The following MAD1L1 variants were observed in gnomAD, a reference collection of about 807,000 sequenced individuals.
MAD1L1 encodes the protein mitotic arrest deficient 1 like 1.
A neutral mutation model predicts 96.9 loss-of-function variants in MAD1L1; 95 were observed. The observed-to-expected ratio is 0.98, with a 90% CI of 0.83 to 1.16. The LOEUF (loss-of-function observed/expected upper bound fraction) is 1.16, where lower values mean the gene tolerates loss of function less well. MAD1L1 is among the 50% of genes most tolerant of loss of function. MAD1L1 has a pLI of 0.00. For synonymous variants in MAD1L1, 473 were observed against 396.6 expected (o/e 1.19, Z -2.29); for missense variants, 1,007 against 954.4 (o/e 1.06, Z -0.73).
chr7:2,188,839 T>G (rs1584508370), intron 10 of MAD1L1, among the ~76,000 whole-genome samples: 1 of 152,150 alleles, frequency 6.6e-6, no homozygotes, highest in East Asian at 1.9e-4. Context: ...AAATGAAATC[T>G]TGGTAAATTT....
chr7:1,912,151 T>C (rs1028128676), intron 17 of MAD1L1, among the ~76,000 whole-genome samples: 4 of 152,144 alleles, frequency 2.6e-5, no homozygotes, highest in Admixed American at 2.6e-4. Context: ...GGGGTCCAGA[T>C]GGCGGCAGGG....
Position 2,114,310 on chromosome 7 carries a change from G to A in MAD1L1, c.1073+34842C>T, listed in dbSNP as rs781434708. On this transcript the variant is annotated intron_variant, in intron 11 of 18. Transcript: ENST00000265854. This position sits in a 1 kb window ranked among gnomAD's most constrained non-coding sequence, Gnocchi z 4.2. ...AACACACCTCGGGCGGGAGAGCCCT[G>A]AGCCAGCCCACGGTCTGAGCAGGGA... 6.6e-6 allele frequency among the ~76,000 whole-genome samples: 1 copy of A among 152,170 alleles called. No individual in the cohort carries two copies. Among genetic ancestry groups the A allele is most frequent in the Non-Finnish European group, 1.5e-5 (1 of 68,036 alleles).
intron 15 of MAD1L1, among the ~76,000 whole-genome samples, chr7:1,960,745 G>A (rs757192719): frequency 3.0e-4 from 46 of 152,012 alleles, no homozygotes; most frequent in Non-Finnish European, 5.9e-4. Flanking sequence ...ATAGAACAAC[G>A]GGCAAAAAAT....
intron 10 of MAD1L1, among the ~76,000 whole-genome samples, chr7:2,153,213 G>T (rs1789666638): frequency 6.6e-6 from 1 of 152,152 alleles, no homozygotes; most frequent in Non-Finnish European, 1.5e-5. Flanking sequence ...AAAAGCTTCT[G>T]CCCATCCAAG....
intron 5 of MAD1L1, among the ~76,000 whole-genome samples, chr7:2,219,852 G>A (rs1024951323): frequency 5.8e-4 from 88 of 152,242 alleles, no homozygotes; most frequent in African/African-American, 2.0e-3. Flanking sequence ...AGAGGAGACC[G>A]GGCCCCAGCC....
intron 17 of MAD1L1, among the ~76,000 whole-genome samples, chr7:1,920,066 G>A (rs568637608): frequency 4.6e-5 from 7 of 152,178 alleles, no homozygotes; most frequent in South Asian, 2.1e-4. Context: ...CTGCAGCAGC[G>A]TTAGGAGACA....
At chr7:1,844,464 G>A (rs887920122) in intron 18 of MAD1L1, among the ~76,000 whole-genome samples, 3 of 152,154 alleles carry the variant, frequency 2.0e-5, no homozygotes, top group Non-Finnish European at 2.9e-5. Flanking sequence ...GGACATGGAC[G>A]GCATTCGAGG....
At chr7:2,009,335 G>A (rs1782185093) in intron 13 of MAD1L1, among the ~76,000 whole-genome samples, 1 of 152,216 alleles carries the variant, frequency 6.6e-6, no homozygotes, top group African/African-American at 2.4e-5. Context: ...CCGGACTGAG[G>A]AGGACCAGAG....
chr7:2,042,437 G>C (rs1485893187), intron 12 of MAD1L1, among the ~76,000 whole-genome samples: 2 of 152,192 alleles, frequency 1.3e-5, no homozygotes, highest in Non-Finnish European at 2.9e-5. Flanking sequence ...CAGAACCCTG[G>C]CGTTTAGAAT....
chr7:2,133,743 T>C (rs1000353836), intron 11 of MAD1L1, among the ~76,000 whole-genome samples: 7 of 152,246 alleles, frequency 4.6e-5, no homozygotes, highest in Non-Finnish European at 7.3e-5. Context: ...GGTCTGTGTC[T>C]AGATTTTTCC....
chr7:1,952,216 C>T (rs1779529981), intron 16 of MAD1L1, among the ~76,000 whole-genome samples: 1 of 152,252 alleles, frequency 6.6e-6, no homozygotes, highest in South Asian at 2.1e-4. Context: ...ACAGCATCGG[C>T]TGCCGGGAAT....
At chr7:2,176,396 C>A (rs1790949106) in intron 10 of MAD1L1, among the ~76,000 whole-genome samples, 1 of 152,028 alleles carries the variant, frequency 6.6e-6, no homozygotes. Flanking sequence ...CATTTTCCCC[C>A]AGATCAAAAA....
In MAD1L1 at chr7:1,898,325, T is replaced by C; in HGVS notation, c.1873A>G (p.Lys625Glu). 3 of 1,614,010 alleles carry C rather than the reference T, an allele frequency of 1.9e-6. No individual in the cohort carries two copies. Among genetic ancestry groups the C allele is most frequent in the Non-Finnish European group, 2.5e-6 (3 of 1,179,976 alleles). Residue 625 changes from lysine to glutamate, a missense_variant, in exon 18 of 19, where the codon AAG becomes GAG. By Grantham distance (56) the Lys-to-Glu change is moderately conservative. Transcript: ENST00000265854. The stretch of plus-strand genomic sequence containing the variant: ...CAGGCCTTGCGGAACTCCTGGATCT[T>C]GGTCTGGAAAACCTCCTTGAGCCGC... Reference protein sequence around the residue: ...NQRLKEVFQTKIQEFRKACYT... With the variant: ...NQRLKEVFQTEIQEFRKACYT...
chr7:1,913,434 G>A (rs894155657), intron 17 of MAD1L1, among the ~76,000 whole-genome samples: 5 of 31,142 alleles, frequency 1.6e-4, no homozygotes, highest in Non-Finnish European at 3.0e-4. Flanking sequence ...TGCACGCCCG[G>A]CCTGGAGAAG....
intron 18 of MAD1L1, among the ~76,000 whole-genome samples, chr7:1,821,820 C>T (rs528153198): frequency 1.3e-5 from 2 of 152,318 alleles, no homozygotes; most frequent in South Asian, 2.1e-4. Flanking sequence ...CCTCAGCTCA[C>T]GCTGCTTCAC....
intron 17 of MAD1L1, among the ~76,000 whole-genome samples, chr7:1,898,826 G>A (rs1159095822): frequency 6.6e-6 from 1 of 152,224 alleles, no homozygotes; most frequent in Non-Finnish European, 1.5e-5. Context: ...AGAACCGCGT[G>A]AGGAGCCGGT....
At chr7:2,100,685 G>A (rs182460901) in intron 11 of MAD1L1, among the ~76,000 whole-genome samples, 318 of 152,366 alleles carry the variant, frequency 2.1e-3, no homozygotes, top group Non-Finnish European at 3.0e-3. Flanking sequence ...AGTGGGAGCC[G>A]CGTCCACCCA....
intron 15 of MAD1L1, among the ~76,000 whole-genome samples, chr7:1,960,877 C>T (rs1171061308): frequency 3.3e-5 from 5 of 152,196 alleles, no homozygotes; most frequent in Non-Finnish European, 5.9e-5. Context: ...CCAAGAAGAC[C>T]TCATGCTAAA....
chr7:1,827,684 C>T lies in MAD1L1; in HGVS notation c.1999-11456G>A, dbSNP rs189907604. On this transcript the variant is annotated intron_variant, in intron 18 of 18. Transcript: ENST00000265854. ...CCCGGCCCGGGTGTGGGGGCCTCCC[C>T]TCCTGAGCCCGTCCCGGGTGTGGGG... is the stretch of plus-strand genomic sequence containing the variant. 7.5e-5 allele frequency among the ~76,000 whole-genome samples: 7 copies of T among 93,934 alleles called. 1 individual carries two copies. Among genetic ancestry groups the T allele is most frequent in the African/African-American group, 2.6e-4 (7 of 27,040 alleles). 61.6% of individuals were successfully genotyped at this position (93,934 alleles called of 152,430 possible). A position where few individuals can be genotyped will look rare whatever the true frequency, so the allele number is the denominator to read the frequency against.
Sources: allele counts gnomAD v4.1 joint callset (sites outside exome capture counted in the v4.1 genomes callset), GRCh38; gene constraint gnomAD v4.1.1; non-coding constraint Gnocchi (gnomAD v3.1); transcripts MANE v1.5; gene names NCBI Gene and HGNC (gene_info 2026-07-23, HGNC 2026-07-21).